SHTN1: variants seen among roughly 807,000 people sequenced by gnomAD.
The protein encoded by SHTN1 is shootin 1, also known as shootin-1.
Under a neutral mutation model 83.1 loss-of-function variants are expected in SHTN1, and 42 were observed. That is an observed-to-expected ratio of 0.51 (90% CI 0.39 to 0.65). The LOEUF (loss-of-function observed/expected upper bound fraction) is 0.65. SHTN1 is among the 30% of genes least tolerant of loss of function. The pLI, the probability that SHTN1 is intolerant of heterozygous loss-of-function variation, is 0.00. For synonymous variants in SHTN1, 224 were observed against 247.7 expected (o/e 0.90, Z 0.90); for missense variants, 622 against 737.8 (o/e 0.84, Z 1.82).
At chr10:116,921,589 C>G in intron 11 of SHTN1, 73 bp from the exon 12 acceptor site, 1 of 1,055,096 alleles carries the variant, frequency 9.5e-7, no homozygotes, top group South Asian at 1.4e-5. Context: ...AAAAATCTCA[C>G]TCTTTGATAG....
chr10:116,914,667 G>A (rs973501049), intron 13 of SHTN1, among the ~76,000 whole-genome samples: 2 of 152,074 alleles, frequency 1.3e-5, no homozygotes, highest in Non-Finnish European at 2.9e-5. Context: ...CCTAATTAGA[G>A]AGGAGAGAGA....
In SHTN1 at chr10:117,087,352, C is replaced by G. The variant is rs537596489; in HGVS notation, c.-188-38842G>C. Reference sequence around the variant, plus strand: ...GTAACCCTACCGGGTACAAAGATTTCACACACAGAAAATGTTAATAATTAA... The same window carrying G: ...GTAACCCTACCGGGTACAAAGATTTGACACACAGAAAATGTTAATAATTAA... On this transcript the variant is annotated intron_variant, in intron 1 of 17. Coordinates refer to the SHTN1 transcript ENST00000392901. Among the ~76,000 whole-genome samples, 29 of 152,290 alleles carry G rather than the reference C, an allele frequency of 1.9e-4. No homozygotes were observed. The South Asian group carries it at 3.7e-3, about 20-fold the overall frequency.
At chr10:116,956,959 A>C (rs932363770) in intron 4 of SHTN1, among the ~76,000 whole-genome samples, 1 of 152,026 alleles carries the variant, frequency 6.6e-6, no homozygotes, top group Non-Finnish European at 1.5e-5. Context: ...TCTGTCACCC[A>C]GGTTAGAGTG....
intron 6 of SHTN1, among the ~76,000 whole-genome samples, chr10:116,950,070 C>G (rs1849720530): frequency 1.3e-5 from 2 of 152,114 alleles, no homozygotes; most frequent in African/African-American, 4.8e-5. Flanking sequence ...GGGCAGGGAG[C>G]AAGGAGTATG....
chr10:117,050,909 T>A (rs1048158199), intron 1 of SHTN1, among the ~76,000 whole-genome samples: 1 of 151,878 alleles, frequency 6.6e-6, no homozygotes, highest in Non-Finnish European at 1.5e-5. Context: ...AAAATAAAAA[T>A]TAGCTGGGTG....
At chr10:117,047,995 T>C (rs1484020797) in intron 2 of SHTN1, among the ~76,000 whole-genome samples, 2 of 152,076 alleles carry the variant, frequency 1.3e-5, no homozygotes, top group Non-Finnish European at 2.9e-5. Flanking sequence ...CCAAATTAGA[T>C]GACATCAGAA....
chr10:116,924,746 A>ATTTTTTCTT (rs1848681405), intron 11 of SHTN1, among the ~76,000 whole-genome samples: 1 of 89,526 alleles, frequency 1.1e-5, no homozygotes, highest in Non-Finnish European at 2.2e-5. Context: ...ATTTTCACCT[A>ATTTTTTCTT]TTTTTTTTTT....
chr10:116,901,502 CAATT>C, intron 16 of SHTN1: 1 of 985,148 alleles, frequency 1.0e-6, no homozygotes, highest in Non-Finnish European at 1.2e-6. Flanking sequence ...TCATCCAGAT[CAATT>C]ATTTGTGTAG....
At chr10:116,968,095 T>C (rs1373436032) in intron 3 of SHTN1, among the ~76,000 whole-genome samples, 1 of 152,108 alleles carries the variant, frequency 6.6e-6, no homozygotes, top group East Asian at 1.9e-4. Context: ...GGCAAGAGAA[T>C]TGCTTAAACC....
At chr10:116,963,678 A>G (rs1350309212) in intron 3 of SHTN1, among the ~76,000 whole-genome samples, 1 of 152,248 alleles carries the variant, frequency 6.6e-6, no homozygotes, top group Non-Finnish European at 1.5e-5. Flanking sequence ...GGTCAGTGAC[A>G]GTGGGTGTAT....
rs768003856 is a variant in SHTN1, at chr10:116,929,856, C to T, written c.1005G>A (p.Lys335=). The T allele has an allele frequency of 1.0e-5, 16 of 1,600,466 alleles. No homozygotes were observed. Among genetic ancestry groups the T allele is most frequent in the Non-Finnish European group, 1.3e-5 (15 of 1,174,972 alleles). The change falls in exon 10 of 17, where the codon AAG becomes AAA. Residue 335 remains lysine, a synonymous_variant. Coordinates refer to ENST00000355371, the MANE Select transcript of SHTN1 (RefSeq NM_001127211.3). The part of the protein sequence containing the change: ...QNSEEKARNL[K]HSVDELQKRV... ...CCTACTCAATGCTTTTACCAGAGTG[C>T]TTTAAATTTCTGGCTTTCTCTTCAG...
chr10:117,097,956 G>C (rs555193509), intron 1 of SHTN1, among the ~76,000 whole-genome samples: 4 of 151,964 alleles, frequency 2.6e-5, no homozygotes, highest in Admixed American at 2.6e-4. Flanking sequence ...CTCTGCTGGT[G>C]AGAACAGTGG....
At chr10:116,963,436 G>A (rs1243003439) in intron 3 of SHTN1, among the ~76,000 whole-genome samples, 1 of 151,954 alleles carries the variant, frequency 6.6e-6, no homozygotes, top group Non-Finnish European at 1.5e-5. Flanking sequence ...TCTGAATTGG[G>A]CTTGTCTCAG....
chr10:117,000,855 T>G (rs1851800119), intron 1 of SHTN1, among the ~76,000 whole-genome samples: 1 of 152,170 alleles, frequency 6.6e-6, no homozygotes, highest in Non-Finnish European at 1.5e-5. Context: ...TAGCACTATC[T>G]CTAGACCAGG....
rs1021484340 is a variant in SHTN1 at position 116,884,027 on chromosome 10, G to A, written c.*2317C>T. The A allele has an allele frequency of 1.8e-5, 4 of 218,714 alleles. No homozygotes were observed. The highest frequency in any genetic ancestry group is 2.9e-5 in the Non-Finnish European group (3 of 103,780). The allele number at this position is 218,714 out of a possible 1,614,324, so 13.5% of individuals were successfully genotyped here. A position where few individuals can be genotyped will look rare whatever the true frequency, so the allele number is the denominator to read the frequency against. On this transcript the variant is annotated 3_prime_UTR_variant, in exon 17 of 17. Transcript: ENST00000355371. ...TGCATCAACATTCGTTTTTCTTAAA[G>A]AAAAAAAATCCTCTATAGCGCACAA...
At chr10:116,930,302 C>T (rs1314099289) in intron 9 of SHTN1, among the ~76,000 whole-genome samples, 4 of 152,082 alleles carry the variant, frequency 2.6e-5, no homozygotes, top group African/African-American at 9.7e-5. Context: ...TTGTGTGTCA[C>T]AGGGGCTTGG....
At chr10:116,887,168 T>C (rs2133295904) in intron 16 of SHTN1, among the ~76,000 whole-genome samples, 1 of 152,330 alleles carries the variant, frequency 6.6e-6, no homozygotes, top group African/African-American at 2.4e-5. Context: ...GCTAAAATGC[T>C]AAGTTACCAT....
At chr10:116,975,661 A>G (rs987940979) in intron 2 of SHTN1, among the ~76,000 whole-genome samples, 3 of 151,850 alleles carry the variant, frequency 2.0e-5, no homozygotes, top group Non-Finnish European at 4.4e-5. Context: ...AAAAAAAAAC[A>G]TAAAAGAGTC....
chr10:116,945,437 C>A (rs980733800), intron 7 of SHTN1, among the ~76,000 whole-genome samples: 1 of 152,146 alleles, frequency 6.6e-6, no homozygotes, highest in African/African-American at 2.4e-5. Context: ...GGAAAGACAT[C>A]TGTGATGTAT....
Sources: allele counts gnomAD v4.1 joint callset (sites outside exome capture counted in the v4.1 genomes callset), GRCh38; gene constraint gnomAD v4.1.1; transcripts MANE v1.5; gene names NCBI Gene and HGNC (gene_info 2026-07-23, HGNC 2026-07-21).